CSMD1: variants seen among roughly 807,000 people sequenced by gnomAD.
CSMD1 encodes CUB and Sushi multiple domains 1.
In CSMD1, 213 loss-of-function variants were observed where a neutral mutation model predicts 417.5. The observed-to-expected ratio is 0.51, with a 90% CI of 0.46 to 0.57. The LOEUF (loss-of-function observed/expected upper bound fraction) is 0.57. Among genes scored for constraint, CSMD1 ranks in the 20% least tolerant of loss-of-function variants. The pLI is 0.00. For synonymous variants in CSMD1, 2,862 were observed against 1,736.8 expected (o/e 1.65, Z -16.11); for missense variants, 6,923 against 4,529.7 (o/e 1.53, Z -15.17).
At chr8:4,316,369 G>A (rs910213086) in intron 3 of CSMD1, among the ~76,000 whole-genome samples, 1 of 152,000 alleles carries the variant, frequency 6.6e-6, no homozygotes, top group Non-Finnish European at 1.5e-5. Flanking sequence ...TATACTCTGG[G>A]CTGCCACAGA....
At chr8:3,787,614 G>C (rs1038033892) in intron 5 of CSMD1, among the ~76,000 whole-genome samples, 2 of 152,090 alleles carry the variant, frequency 1.3e-5, no homozygotes, top group Admixed American at 6.6e-5. Flanking sequence ...AGTTAATTCT[G>C]TATAAGTATT....
chr8:4,318,655 T>A (rs1799082636), intron 3 of CSMD1, among the ~76,000 whole-genome samples: 1 of 65,986 alleles, frequency 1.5e-5, no homozygotes, highest in South Asian at 7.4e-4. Flanking sequence ...AAGACGTCAC[T>A]GATTGTTTTT....
rs144027627 is a variant in CSMD1 at position 4,035,686 on chromosome 8, T to G, written c.416-3587A>C. On this transcript the variant is annotated intron_variant, in intron 3 of 69. Coordinates refer to ENST00000635120, the MANE Select transcript of CSMD1 (RefSeq NM_033225.6). ...ACAATATAAATGTTTTGCACAACTGTGCAAGGTTTATGTTTTCAGTTAAAT... is the reference window on the plus strand; with the variant it reads ...ACAATATAAATGTTTTGCACAACTGGGCAAGGTTTATGTTTTCAGTTAAAT... Among the ~76,000 whole-genome samples the G allele has an allele frequency of 6.3e-3, 967 of 152,322 alleles. 2 individuals carry two copies. The highest frequency in any genetic ancestry group is 0.01 in the Non-Finnish European group (710 of 68,046).
chr8:4,620,314 T>TAC (rs1243564631), intron 2 of CSMD1, among the ~76,000 whole-genome samples: 2 of 151,580 alleles, frequency 1.3e-5, no homozygotes, highest in Admixed American at 1.3e-4. Context: ...ACATATGTAT[T>TAC]ACACACACAT....
chr8:4,880,405 A>G (rs1041646327), intron 1 of CSMD1, among the ~76,000 whole-genome samples: 11 of 152,122 alleles, frequency 7.2e-5, no homozygotes, highest in African/African-American at 2.4e-4. Flanking sequence ...AGAAGGCATC[A>G]GAGTATCGTA....
intron 3 of CSMD1, among the ~76,000 whole-genome samples, chr8:4,381,038 A>C (rs894230772): frequency 1.3e-5 from 2 of 152,208 alleles, no homozygotes; most frequent in Non-Finnish European, 2.9e-5. Flanking sequence ...GAAATGGGTT[A>C]AGGAATATGT....
intron 2 of CSMD1, among the ~76,000 whole-genome samples, chr8:4,484,995 A>T (rs994079743): frequency 3.6e-5 from 1 of 28,080 alleles, no homozygotes; most frequent in Non-Finnish European, 9.7e-5. Flanking sequence ...AAAAAAAAAA[A>T]AAAAAAAAAA....
chr8:3,275,829 T>G (rs1802243610), intron 26 of CSMD1, among the ~76,000 whole-genome samples: 1 of 152,020 alleles, frequency 6.6e-6, no homozygotes, highest in South Asian at 2.1e-4. Flanking sequence ...TATACATTCT[T>G]CTAAACTTTT....
chr8:2,996,238 T>C (rs569079556), intron 54 of CSMD1, among the ~76,000 whole-genome samples: 4 of 152,170 alleles, frequency 2.6e-5, no homozygotes, highest in African/African-American at 9.7e-5. Flanking sequence ...ACTGAACATA[T>C]GACATATTTT....
chr8:3,627,089 T>C (rs1796528919), intron 7 of CSMD1, among the ~76,000 whole-genome samples: 2 of 152,114 alleles, frequency 1.3e-5, no homozygotes, highest in Admixed American at 1.3e-4. Context: ...TGTGATAGTT[T>C]AACATTGTAA....
intron 25 of CSMD1, among the ~76,000 whole-genome samples, chr8:3,291,009 A>C (rs1321163670): frequency 6.6e-6 from 1 of 151,498 alleles, no homozygotes; most frequent in African/African-American, 2.4e-5. Flanking sequence ...ATCAACACCT[A>C]ATTTTTTGAG....
chr8:3,931,675 C>A (rs1397324185), intron 5 of CSMD1, among the ~76,000 whole-genome samples: 3 of 149,260 alleles, frequency 2.0e-5, no homozygotes. Flanking sequence ...AAAAAACAAA[C>A]AAACAAACAA....
chr8:4,169,110 T>C (rs556075745), intron 3 of CSMD1, among the ~76,000 whole-genome samples: 53 of 152,300 alleles, frequency 3.5e-4, no homozygotes, highest in Non-Finnish European at 7.3e-4. Flanking sequence ...GAACCTCTTT[T>C]CTCATCCCTG....
chr8:4,941,967 T>A (rs1463634801), intron 1 of CSMD1, among the ~76,000 whole-genome samples: 2 of 152,224 alleles, frequency 1.3e-5, no homozygotes, highest in Non-Finnish European at 2.9e-5. Context: ...CCAGTGAGTA[T>A]GTGTTGTTTT....
intron 5 of CSMD1, among the ~76,000 whole-genome samples, chr8:3,973,226 G>A (rs1442035205): frequency 6.6e-6 from 1 of 152,190 alleles, no homozygotes; most frequent in East Asian, 1.9e-4. Flanking sequence ...CCTACATAGA[G>A]CTGTTCCCTG....
In CSMD1 at chr8:3,087,241, G is replaced by C. The variant is rs1440831915; in HGVS notation, c.7330C>G (p.Leu2444Val). ...CCAACCGCTCCTGCAGTCCTGTTTAGAATACCCCCATTCTTCAGGGGGTGG... is the reference window on the plus strand; with the variant it reads ...CCAACCGCTCCTGCAGTCCTGTTTACAATACCCCCATTCTTCAGGGGGTGG... ...LTHPLKNGGI[L>V]NRTAGAVGSK... Residue 2444 changes from leucine to valine, a missense_variant, in exon 49 of 70, where the codon CTA becomes GTA. Physicochemically the swap from Leu to Val is conservative, Grantham distance 32. Transcript: ENST00000635120. 6.2e-6 allele frequency: 10 copies of C among 1,613,956 alleles called. No homozygotes were observed. Among genetic ancestry groups the C allele is most frequent in the East Asian group, 2.2e-5 (1 of 44,878 alleles).
At chr8:4,097,249 C>A (rs1032320439) in intron 3 of CSMD1, among the ~76,000 whole-genome samples, 1 of 152,066 alleles carries the variant, frequency 6.6e-6, no homozygotes, top group African/African-American at 2.4e-5. Context: ...GTACAAAGAA[C>A]TGGAAATCAG....
At position 3,343,540 on chromosome 8, in the gene CSMD1, G is replaced by T. The variant is rs989864141; in HGVS notation, c.3475-90C>A. 11 of 1,189,600 alleles carry T rather than the reference G, an allele frequency of 9.2e-6. No individual in the cohort carries two copies. The East Asian group carries it at 2.5e-4, about 27-fold the overall frequency. 73.7% of individuals were successfully genotyped at this position (1,189,600 alleles called of 1,614,324 possible). On this transcript the variant is annotated intron_variant, in intron 22 of 69. Coordinates refer to ENST00000635120, the MANE Select transcript of CSMD1 (RefSeq NM_033225.6). ...ATAAACAATCCAAATCTTCAAAGAT[G>T]CAGTTTTAAACAATACTTAAAAAGG...
At chr8:3,289,008 G>C (rs1190994513) in intron 25 of CSMD1, among the ~76,000 whole-genome samples, 1 of 139,090 alleles carries the variant, frequency 7.2e-6, no homozygotes, top group Non-Finnish European at 1.5e-5. Context: ...CCCGGTGTGT[G>C]ATGTTCCCCT....
Sources: gnomAD v4.1 joint callset for allele counts (sites outside exome capture counted in the v4.1 genomes callset) on GRCh38, gnomAD v4.1.1 for gene constraint, MANE v1.5 for transcripts, NCBI Gene and HGNC (gene_info 2026-07-23, HGNC 2026-07-21) for gene names.